The following SERPINB8 variants were observed in gnomAD, a reference collection of about 807,000 sequenced individuals.
The protein encoded by SERPINB8 is serpin family B member 8.
In SERPINB8, 25 loss-of-function variants were observed where a neutral mutation model predicts 35.3. That is an observed-to-expected ratio of 0.71 (90% CI 0.52 to 0.99). SERPINB8 has a LOEUF of 0.99. Among genes scored for constraint, SERPINB8 ranks in the 50% least tolerant of loss-of-function variants. The pLI, the probability that SERPINB8 is intolerant of heterozygous loss-of-function variation, is 0.00. For synonymous variants in SERPINB8, 186 were observed against 160.8 expected (o/e 1.16, Z -1.19); for missense variants, 484 against 446.5 (o/e 1.08, Z -0.76).
chr18:63,976,657 G>C (rs1245507276), intron 1 of SERPINB8, among the ~76,000 whole-genome samples: 1 of 152,220 alleles, frequency 6.6e-6, no homozygotes, highest in Non-Finnish European at 1.5e-5. Context: ...GCAGGAGGAA[G>C]CCTGTTTAGT....
chr18:63,996,089 T>G (rs559042067), intron 1 of SERPINB8, among the ~76,000 whole-genome samples: 1 of 152,332 alleles, frequency 6.6e-6, no homozygotes, highest in African/African-American at 2.4e-5. Context: ...CTGCAAGCAC[T>G]GATGGTTGGC....
chr18:63,993,319 A>G (rs2050833576), downstream of SERPINB8, among the ~76,000 whole-genome samples: 1 of 152,182 alleles, frequency 6.6e-6, no homozygotes, highest in Admixed American at 6.5e-5. Context: ...TGACTCATGA[A>G]TTATTTGAAA....
chr18:63,987,352 G>C lies in SERPINB8; in HGVS notation c.*74G>C. 6.8e-7 allele frequency: 1 copy of C among 1,465,992 alleles called. No individual in the cohort carries two copies. Among genetic ancestry groups the C allele is most frequent in the Non-Finnish European group, 9.3e-7 (1 of 1,079,056 alleles). The allele number at this position is 1,465,992 out of a possible 1,614,324, so 90.8% of individuals were successfully genotyped here. On this transcript the variant is annotated 3_prime_UTR_variant, in exon 7 of 7. Coordinates refer to ENST00000397985, the MANE Select transcript of SERPINB8 (RefSeq NM_002640.4). ...CTTAATTAACATTCCCTGTGACCTA[G>C]TTGGTGCAGTGGCTTGAATGCCAAA... is the stretch of plus-strand genomic sequence containing the variant.
At chr18:63,992,759 C>T (rs1599161192), downstream of SERPINB8, among the ~76,000 whole-genome samples, 3 of 151,750 alleles carry the variant, frequency 2.0e-5, no homozygotes, top group South Asian at 2.1e-4. Flanking sequence ...AAGAAGGGGT[C>T]GGGGGCACCT....
chr18:64,000,237 G>A (rs926050712), intron 1 of SERPINB8, among the ~76,000 whole-genome samples: 2 of 152,188 alleles, frequency 1.3e-5, no homozygotes, highest in Non-Finnish European at 2.9e-5. Context: ...CTTCCAAGAA[G>A]TCCTTATCAT....
intron 3 of SERPINB8, among the ~76,000 whole-genome samples, chr18:63,980,843 A>T (rs981161835): frequency 2.6e-5 from 4 of 152,252 alleles, no homozygotes; most frequent in Non-Finnish European, 4.4e-5. Flanking sequence ...GGGAATGGAC[A>T]GAGGCTGGGA....
At chr18:64,017,242 T>C (rs940134240) in intron 7 of SERPINB8, among the ~76,000 whole-genome samples, 8 of 152,218 alleles carry the variant, frequency 5.3e-5, no homozygotes, top group African/African-American at 1.7e-4. Flanking sequence ...TGGTTACAAA[T>C]AGACCTCCAG....
intron 6 of SERPINB8, among the ~76,000 whole-genome samples, chr18:63,985,547 A>G (rs1304588322): frequency 6.6e-6 from 1 of 152,194 alleles, no homozygotes; most frequent in East Asian, 1.9e-4. Flanking sequence ...TATTGCACAA[A>G]AGTCCTGGAA....
chr18:63,983,400 C>A (rs1555714098), intron 4 of SERPINB8, among the ~76,000 whole-genome samples, 179 bp from the exon 5 acceptor site: 1 of 152,156 alleles, frequency 6.6e-6, no homozygotes, highest in Non-Finnish European at 1.5e-5. Flanking sequence ...TTCTTAAGCA[C>A]AAATGTTACA....
chr18:64,009,555 T>C (rs533868864), downstream of SERPINB8, among the ~76,000 whole-genome samples: 186 of 152,276 alleles, frequency 1.2e-3, no homozygotes, highest in Admixed American at 3.1e-3. Context: ...TATGTGGAAA[T>C]GTGAGATGAT....
At chr18:64,014,902 G>A (rs117703223) in intron 7 of SERPINB8, among the ~76,000 whole-genome samples, 196 of 152,138 alleles carry the variant, frequency 1.3e-3, no homozygotes, top group Non-Finnish European at 2.1e-3. Flanking sequence ...TGAATATCTC[G>A]CCTCTTGAGT....
intron 1 of SERPINB8, among the ~76,000 whole-genome samples, chr18:64,000,728 T>G (rs1816326067): frequency 6.6e-6 from 1 of 152,092 alleles, no homozygotes; most frequent in African/African-American, 2.4e-5. Flanking sequence ...TACTCGGTGC[T>G]TTTCCATTAC....
intron 3 of SERPINB8, among the ~76,000 whole-genome samples, chr18:63,980,996 C>G (rs187536998): frequency 6.6e-6 from 1 of 152,282 alleles, no homozygotes; most frequent in Non-Finnish European, 1.5e-5. Flanking sequence ...TTCCCTTAAT[C>G]CCCTCCCTGA....
chr18:63,993,519 T>C (rs771183119), downstream of SERPINB8, among the ~76,000 whole-genome samples: 4 of 152,246 alleles, frequency 2.6e-5, no homozygotes, highest in Non-Finnish European at 5.9e-5. Context: ...AAAGAATGTA[T>C]ATTCTGCTGT....
chr18:63,979,324 G>A (rs1295733117), intron 2 of SERPINB8, among the ~76,000 whole-genome samples: 3 of 152,168 alleles, frequency 2.0e-5, no homozygotes. Flanking sequence ...TTTTATTGCT[G>A]CTTTTGTTTG....
At chr18:63,983,459 C>A (rs1599146126) in intron 4 of SERPINB8, 120 bp from the exon 5 acceptor site, 1 of 886,616 alleles carries the variant, frequency 1.1e-6, no homozygotes, top group Non-Finnish European at 1.8e-6. Flanking sequence ...ATCAGGGGCC[C>A]AGAAAGACAG....
intron 7 of SERPINB8, among the ~76,000 whole-genome samples, chr18:64,011,509 G>A (rs867547606): frequency 7.2e-5 from 11 of 152,188 alleles, no homozygotes; most frequent in Middle Eastern, 3.4e-3. Context: ...ATCTATTTTT[G>A]TATATCTTCA....
intron 1 of SERPINB8, among the ~76,000 whole-genome samples, chr18:63,995,158 A>G (rs963345134): frequency 3.9e-5 from 6 of 152,142 alleles, no homozygotes; most frequent in Non-Finnish European, 7.4e-5. Flanking sequence ...TGACTGATTC[A>G]AGCATTATGC....
intron 6 of SERPINB8, chr18:63,986,336 C>T: frequency 1.2e-6 from 2 of 1,601,628 alleles, no homozygotes; most frequent in Non-Finnish European, 8.5e-7. Flanking sequence ...ATGAAGTCTT[C>T]TTGCATTCCC....
Sources: gnomAD v4.1 joint callset for allele counts (sites outside exome capture counted in the v4.1 genomes callset) on GRCh38, gnomAD v4.1.1 for gene constraint, MANE v1.5 for transcripts, NCBI Gene and HGNC (gene_info 2026-07-23, HGNC 2026-07-21) for gene names.